Variants in USP31 observed in about 807,000 individuals in gnomAD.
USP31 encodes the protein ubiquitin carboxyl-terminal hydrolase 31.
In USP31, 44 loss-of-function variants were observed where a neutral mutation model predicts 119.4. The ratio of observed to expected loss-of-function variants is 0.37; its 90% confidence interval spans 0.29 to 0.47. The LOEUF is 0.47. Among genes scored for constraint, USP31 ranks in the 20% least tolerant of loss-of-function variants. The probability of loss-of-function intolerance (pLI) is 0.99; values close to 1 mark genes in which losing one functional copy is unlikely to be tolerated. For synonymous variants in USP31, 749 were observed against 705.6 expected (o/e 1.06, Z -0.97); for missense variants, 1,643 against 1,730.2 (o/e 0.95, Z 0.89).
Position 23,062,281 on chromosome 16 carries a change from G to C in USP31, c.*5765C>G, listed in dbSNP as rs981983503. 1 of 151,992 alleles carries C rather than the reference G, an allele frequency of 6.6e-6. No individual in the cohort carries two copies. The highest frequency in any genetic ancestry group is 6.6e-5 in the Admixed American group (1 of 15,254). The allele number at this position is 151,992 out of a possible 1,614,324, so 9.4% of individuals were successfully genotyped here. ...TTTATTTGCCTCCACAGTTAACACA[G>C]AGTGCCAAATTCTGGGATGTGTATT... On this transcript the variant is annotated 3_prime_UTR_variant, in exon 16 of 16. Coordinates refer to ENST00000219689, the MANE Select transcript of USP31 (RefSeq NM_020718.4).
At chr16:23,095,745 T>G (rs1318376549) in intron 6 of USP31, among the ~76,000 whole-genome samples, 1 of 152,176 alleles carries the variant, frequency 6.6e-6, no homozygotes, top group African/African-American at 2.4e-5. Context: ...CCAGCCAAAC[T>G]AAGCTTCATA....
intron 1 of USP31, among the ~76,000 whole-genome samples, chr16:23,128,717 T>C (rs562511307): frequency 1.8e-4 from 28 of 152,350 alleles, no homozygotes; most frequent in South Asian, 4.1e-4. Flanking sequence ...CCAGTGATTC[T>C]TGGCACCACA....
chr16:23,069,737 A>G (rs1231582698), intron 15 of USP31, 121 bp from the exon 16 acceptor site: 1 of 1,321,548 alleles, frequency 7.6e-7, no homozygotes, highest in Non-Finnish European at 1.0e-6. Context: ...TGACCTTCAG[A>G]GCCAGCCCAT....
At chr16:23,080,432 T>C (rs1428420224) in intron 12 of USP31, among the ~76,000 whole-genome samples, 1 of 152,100 alleles carries the variant, frequency 6.6e-6, no homozygotes, top group Admixed American at 6.5e-5. Context: ...TCCTTATCTG[T>C]TAAAGGGCTT....
rs527959311 is a variant in USP31, at chr16:23,115,400, G to C, written c.634-7217C>G. 9.9e-5 allele frequency among the ~76,000 whole-genome samples: 15 copies of C among 152,282 alleles called. No homozygotes were observed. The East Asian group carries it at 2.7e-3, about 27-fold the overall frequency. On this transcript the variant is annotated intron_variant, in intron 1 of 15. Coordinates refer to ENST00000219689, the MANE Select transcript of USP31 (RefSeq NM_020718.4). ...GGGCCAGGTGTGTTGGCTTATGCCT[G>C]TGATCTCAGCACGTTGGGAGGCCAA...
intron 1 of USP31, among the ~76,000 whole-genome samples, chr16:23,138,404 C>T (rs1903256672): frequency 6.6e-6 from 1 of 152,156 alleles, no homozygotes; most frequent in Non-Finnish European, 1.5e-5. Flanking sequence ...TACTGTTTGT[C>T]CTGAACCAGG....
At chr16:23,121,673 C>T (rs962484907) in intron 1 of USP31, among the ~76,000 whole-genome samples, 1 of 152,108 alleles carries the variant, frequency 6.6e-6, no homozygotes, top group Non-Finnish European at 1.5e-5. Flanking sequence ...CACTACTAAC[C>T]AAAGAAATGC....
At chr16:23,116,951 T>A (rs1328815275) in intron 1 of USP31, among the ~76,000 whole-genome samples, 5 of 152,220 alleles carry the variant, frequency 3.3e-5, no homozygotes, top group Non-Finnish European at 7.4e-5. Flanking sequence ...GTATCCCTTA[T>A]GCAAAATGCT....
At chr16:23,085,103 C>A (rs997537713) in intron 10 of USP31, 114 bp from the exon 11 acceptor site, 1 of 1,414,988 alleles carries the variant, frequency 7.1e-7, no homozygotes, top group East Asian at 2.3e-5. Flanking sequence ...AAAAAAAAAT[C>A]AATGTGTAAG....
intron 6 of USP31, among the ~76,000 whole-genome samples, chr16:23,095,302 G>C (rs1901554198): frequency 6.6e-6 from 1 of 152,120 alleles, no homozygotes; most frequent in South Asian, 2.1e-4. Flanking sequence ...AGAGAAAAAA[G>C]AGTAAAAAGA....
intron 1 of USP31, among the ~76,000 whole-genome samples, chr16:23,113,588 T>G (rs540205937): frequency 6.6e-6 from 1 of 151,540 alleles, no homozygotes; most frequent in East Asian, 1.9e-4. Flanking sequence ...AATTAAGAGG[T>G]TGCTTGCTCA....
In USP31 at chr16:23,064,563, TG is replaced by T. The variant is rs2041898022; in HGVS notation, c.*3482del. 6.6e-6 allele frequency: 1 copy of T among 152,216 alleles called. No homozygotes were observed. The highest frequency in any genetic ancestry group is 2.4e-5 in the African/African-American group (1 of 41,452). 9.4% of individuals were successfully genotyped at this position (152,216 alleles called of 1,614,324 possible). Reference sequence around the variant, plus strand: ...AGACAGCTCAGTCTGAAAAGGTGGATGGAAGAGTAAAATGTCTCTAAAGATG... The same window carrying T: ...AGACAGCTCAGTCTGAAAAGGTGGATGAAGAGTAAAATGTCTCTAAAGATG... On this transcript the variant is annotated 3_prime_UTR_variant, in exon 16 of 16. Coordinates refer to ENST00000219689, the MANE Select transcript of USP31 (RefSeq NM_020718.4).
intron 1 of USP31, among the ~76,000 whole-genome samples, chr16:23,147,758 G>A (rs1369675638): frequency 6.6e-6 from 1 of 152,046 alleles, no homozygotes; most frequent in Admixed American, 6.6e-5. Flanking sequence ...CAAAACCCCC[G>A]TCTCTACAAA....
chr16:23,148,699 G>T lies in USP31; in HGVS notation c.572C>A (p.Ala191Glu). The change falls in exon 1 of 16, where the codon GCG becomes GAG. Residue 191 changes from alanine (A) to glutamate (E), a missense_variant. By Grantham distance (107) the Ala-to-Glu change is moderately radical. Around this residue, in one of 5 missense-constraint regions of USP31, gnomAD observed 144 missense variants for 218.0 expected, o/e 0.66. Transcript: ENST00000219689. ...QGQGEVTEQLAHLVRALWTLE... is the reference protein window; with the variant it reads ...QGQGEVTEQLEHLVRALWTLE... ...GGTCCAGAGGGCCCGCACCAGGTGCGCCAGCTGCTCAGTGACCTCGCCCTG... is the reference window on the plus strand; with the variant it reads ...GGTCCAGAGGGCCCGCACCAGGTGCTCCAGCTGCTCAGTGACCTCGCCCTG... 2 of 1,492,898 alleles carry T rather than the reference G, an allele frequency of 1.3e-6. No homozygotes were observed. The highest frequency in any genetic ancestry group is 1.3e-5 in the South Asian group (1 of 78,032). 92.5% of individuals were successfully genotyped at this position (1,492,898 alleles called of 1,614,324 possible).
chr16:23,108,128 T>G lies in USP31; in HGVS notation c.689A>C (p.Gln230Pro). Residue 230 changes from glutamine (Q) to proline (P), a missense_variant, in exon 2 of 16, where the codon CAG (glutamine) becomes CCG (proline). This residue lies in a region of USP31 where 144 missense variants were observed against 218.0 expected (regional missense o/e 0.66). Transcript: ENST00000219689. The stretch of plus-strand genomic sequence containing the variant: ...GTCCAAAAGCCACAGCAGAAACTCC[T>G]GGGCATCATGTTGGGAATTTCCCCG... Reference protein sequence around the residue: ...QYRGNSQHDAQEFLLWLLDRV... With the variant: ...QYRGNSQHDAPEFLLWLLDRV... The G allele has an allele frequency of 6.2e-7, 1 of 1,614,072 alleles. No homozygotes were observed. The highest frequency in any genetic ancestry group is 8.5e-7 in the Non-Finnish European group (1 of 1,179,960).
intron 12 of USP31, 54 bp downstream of exon 12, chr16:23,082,384 G>A: frequency 6.2e-7 from 1 of 1,606,228 alleles, no homozygotes; most frequent in African/African-American, 1.3e-5. Flanking sequence ...TCAGCAGGGG[G>A]CATAAGAAAC....
At chr16:23,103,744 G>A (rs182320230) in intron 5 of USP31, among the ~76,000 whole-genome samples, 9 of 152,068 alleles carry the variant, frequency 5.9e-5, no homozygotes, top group African/African-American at 1.7e-4. Flanking sequence ...CCAAAACCTC[G>A]TCTCTACGAA....
chr16:23,110,988 C>T (rs1241214362), intron 1 of USP31, among the ~76,000 whole-genome samples: 5 of 151,906 alleles, frequency 3.3e-5, no homozygotes, highest in Non-Finnish European at 7.4e-5. Context: ...ATTAGCCAGG[C>T]GTGGTGGTGG....
chr16:23,085,901 TAA>T (rs1901087962), intron 9 of USP31, among the ~76,000 whole-genome samples: 1 of 152,128 alleles, frequency 6.6e-6, no homozygotes, highest in Non-Finnish European at 1.5e-5. Context: ...GTACTAATAA[TAA>T]AGAGGTTGGA....
Sources: allele counts gnomAD v4.1 joint callset (sites outside exome capture counted in the v4.1 genomes callset), GRCh38; gene constraint gnomAD v4.1.1; regional missense constraint gnomAD v4.1.1; transcripts MANE v1.5; gene names NCBI Gene and HGNC (gene_info 2026-07-23, HGNC 2026-07-21).